Variants in NPR1 observed in about 807,000 individuals in gnomAD.
NPR1 encodes the protein atrial natriuretic peptide receptor 1.
In NPR1, 57 loss-of-function variants were observed where a neutral mutation model predicts 116.9. That is an observed-to-expected ratio of 0.49 (90% CI 0.39 to 0.61). The LOEUF is 0.61. Among genes scored for constraint, NPR1 ranks in the 20% least tolerant of loss-of-function variants. NPR1 has a pLI of 0.00. For synonymous variants in NPR1, 555 were observed against 601.6 expected, an observed-to-expected ratio of 0.92 and a Z score of 1.13; for missense variants, 1,096 against 1,409.8, an observed-to-expected ratio of 0.78 and a Z score of 3.56.
rs1352040065 is a variant in NPR1, at chr1:153,689,993, A to T, written c.2932+13A>T. 6.7e-6 allele frequency: 10 copies of T among 1,496,378 alleles called. No homozygotes were observed. The highest frequency in any genetic ancestry group is 3.5e-4 in the Middle Eastern group (2 of 5,782). 92.7% of individuals were successfully genotyped at this position (1,496,378 alleles called of 1,614,324 possible). On this transcript the variant is annotated intron_variant, in intron 19 of 21. Transcript: ENST00000368680. The surrounding 1 kb of genome is among the most constrained non-coding windows in gnomAD (Gnocchi z 5.1). ...GGCATCCACACAGGTAAGGCCACTG[A>T]AGGTGCAGGCGGGCATCCAGAGGCC...
chr1:153,687,171 C>A, intron 12 of NPR1, 29 bp from the exon 13 acceptor site: 1 of 1,613,974 alleles, frequency 6.2e-7, no homozygotes, highest in Non-Finnish European at 8.5e-7. Context: ...CCACTCCTGG[C>A]CAATACCTCT....
rs1669931633 is a variant in NPR1, at chr1:153,686,470, G to A, written c.1759-176G>A. 1.3e-5 allele frequency among the ~76,000 whole-genome samples: 2 copies of A among 151,966 alleles called. 1 individual carries two copies. The highest frequency in any genetic ancestry group is 1.3e-4 in the Admixed American group (2 of 15,264). On this transcript the variant is annotated intron_variant, in intron 10 of 21. Transcript: ENST00000368680. ...GGCTTAGGATGCAGAGGGAGTAGGA[G>A]CAGATTCTGGGGAGGGTGGGCTAAA...
rs1451859311 is a variant in NPR1, at chr1:153,679,836, C to A, written c.721+7C>A. The A allele has an allele frequency of 2.0e-6, 3 of 1,537,340 alleles. No homozygotes were observed. The highest frequency in any genetic ancestry group is 4.9e-5 in the East Asian group (2 of 40,894). ...ATGCCGCGCAAAGGCCGAGGTGAGA[C>A]GCTGGCACACCCCGTCCCGCCGCTT... is the stretch of plus-strand genomic sequence containing the variant. On this transcript the variant is annotated splice_region_variant and intron_variant, in intron 1 of 21. Transcript: ENST00000368680. This position sits in a 1 kb window ranked among gnomAD's most constrained non-coding sequence, Gnocchi z 4.2.
At chr1:153,693,301 T>C (rs1333922980) in intron 21 of NPR1, 51 bp from the exon 22 acceptor site, 1 of 1,606,742 alleles carries the variant, frequency 6.2e-7, no homozygotes, top group Non-Finnish European at 8.5e-7. Context: ...CTCATCTGAC[T>C]GGGGAAAGGG....
chr1:153,679,194 G>T lies in NPR1; in HGVS notation c.86G>T (p.Gly29Val). Residue 29 changes from glycine (G) to valine (V), a missense_variant, in exon 1 of 22, where the codon GGC (glycine) becomes GTC (valine). Physicochemically the swap from Gly to Val is moderately radical, Grantham distance 109. Transcript: ENST00000368680. This position sits in a 1 kb window ranked among gnomAD's most constrained non-coding sequence, Gnocchi z 4.2. ...CCGCCGCTGCTGCTGCTGCTCCGGG[G>T]CAGCCACGCGGGCAACCTGACGGTA... The part of the protein sequence containing the change: ...LLPPLLLLLR[G>V]SHAGNLTVAV... 1.3e-6 allele frequency: 2 copies of T among 1,513,016 alleles called. No homozygotes were observed. The highest frequency in any genetic ancestry group is 8.8e-7 in the Non-Finnish European group (1 of 1,135,874). 93.7% of individuals were successfully genotyped at this position (1,513,016 alleles called of 1,614,324 possible). A position where few individuals can be genotyped will look rare whatever the true frequency, so the allele number is the denominator to read the frequency against.
chr1:153,692,931 C>T (rs916348330), intron 20 of NPR1, among the ~76,000 whole-genome samples, 175 bp from the exon 21 acceptor site: 2 of 152,154 alleles, frequency 1.3e-5, no homozygotes, highest in African/African-American at 4.8e-5. Context: ...AATGTGGTCA[C>T]GCACTACATT....
Position 153,679,561 on chromosome 1 carries a change from G to C in NPR1, c.453G>C (p.Glu151Asp). ...APALGFGVKD[E>D]YALTTRAGPS... ...CGCTGGGCTTCGGTGTCAAGGACGA[G>C]TATGCGCTGACCACCCGCGCGGGGC... Residue 151 changes from glutamate to aspartate, a missense_variant, in exon 1 of 22, where the codon GAG (glutamate) becomes GAC (aspartate). Coordinates refer to ENST00000368680, the MANE Select transcript of NPR1 (RefSeq NM_000906.4). This position sits in a 1 kb window ranked among gnomAD's most constrained non-coding sequence, Gnocchi z 4.2. 2 of 1,554,610 alleles carry C rather than the reference G, an allele frequency of 1.3e-6. No individual in the cohort carries two copies. The highest frequency in any genetic ancestry group is 1.7e-6 in the Non-Finnish European group (2 of 1,154,802).
At chr1:153,683,214 C>A (rs1370017375) in intron 5 of NPR1, among the ~76,000 whole-genome samples, 162 bp from the exon 6 acceptor site, 2 of 151,948 alleles carry the variant, frequency 1.3e-5, no homozygotes, top group Non-Finnish European at 2.9e-5. Flanking sequence ...GGTATGAGGT[C>A]CTGTGTCCAG....
chr1:153,684,743 T>C (rs1429827402), intron 7 of NPR1, among the ~76,000 whole-genome samples: 1 of 152,170 alleles, frequency 6.6e-6, no homozygotes, highest in Non-Finnish European at 1.5e-5. Flanking sequence ...AAATAGATAT[T>C]GCGGCCTCAT....
In NPR1 at chr1:153,693,885, C is replaced by G. The variant is rs559279053; in HGVS notation, c.*471C>G. On this transcript the variant is annotated 3_prime_UTR_variant, in exon 22 of 22. Transcript: ENST00000368680. ...TGCTCCCCCGACCCCCTCCACCCAG[C>G]AGTAGACACAGTGCACAGGGGAGAA... The G allele has an allele frequency of 2.5e-6, 1 of 399,652 alleles. No homozygotes were observed. Among genetic ancestry groups the G allele is most frequent in the South Asian group, 1.4e-4 (1 of 7,366 alleles). 24.8% of individuals were successfully genotyped at this position (399,652 alleles called of 1,614,324 possible). A position where few individuals can be genotyped will look rare whatever the true frequency, so the allele number is the denominator to read the frequency against.
chr1:153,680,407 C>G, intron 1 of NPR1, 94 bp from the exon 2 acceptor site: 1 of 1,083,610 alleles, frequency 9.2e-7, no homozygotes, highest in Non-Finnish European at 1.4e-6. Context: ...TGCACCCTAT[C>G]TCTAAACTTC....
chr1:153,683,410 TG>T lies in NPR1; in HGVS notation c.1300del (p.Val434TrpfsTer8). ...AACTACAATGGGACTTCCCAAGAGCTGGTGGCTGTGTCGGGGCGCAAACTGA... is the reference window on the plus strand; with the variant it reads ...AACTACAATGGGACTTCCCAAGAGCTGTGGCTGTGTCGGGGCGCAAACTGA... ...VLNYNGTSQE[L>X]VAVSGRKLNW... is the part of the protein sequence containing the mutation. On this transcript the variant is annotated frameshift_variant, in exon 6 of 22. Coordinates refer to ENST00000368680, the MANE Select transcript of NPR1 (RefSeq NM_000906.4). LOFTEE classifies it high-confidence loss of function. The T allele has an allele frequency of 6.2e-7, 1 of 1,614,208 alleles. No homozygotes were observed. Among genetic ancestry groups the T allele is most frequent in the Non-Finnish European group, 8.5e-7 (1 of 1,180,034 alleles).
rs1394672501 is a variant in NPR1, at chr1:153,687,243, AC to A, written c.1981del (p.Leu661SerfsTer8). 1 of 1,613,908 alleles carries A rather than the reference AC, an allele frequency of 6.2e-7. No individual in the cohort carries two copies. The highest frequency in any genetic ancestry group is 1.1e-5 in the South Asian group (1 of 91,074). On this transcript the variant is annotated frameshift_variant, in exon 13 of 22. Coordinates refer to ENST00000368680, the MANE Select transcript of NPR1 (RefSeq NM_000906.4). LOFTEE classifies it high-confidence loss of function. ...AATGGGGCTATCTGTTCCCATGGGA[AC>A]CTCAAGTCATCCAACTGCGTGGTAG... The part of the protein sequence containing the change: ...LHNGAICSHG[N>X]LKSSNCVVDG...
At chr1:153,690,078 CT>C in intron 19 of NPR1, 98 bp downstream of exon 19, 1 of 521,946 alleles carries the variant, frequency 1.9e-6, no homozygotes, top group Non-Finnish European at 3.0e-6. Context: ...ATCTCTCTCT[CT>C]CTCTCTCTCT....
chr1:153,684,851 C>T, intron 7 of NPR1, 113 bp from the exon 8 acceptor site: 1 of 1,373,864 alleles, frequency 7.3e-7, no homozygotes, highest in Non-Finnish European at 1.0e-6. Flanking sequence ...TAGAATTCCC[C>T]CTCCATCTCT....
At chr1:153,682,328 G>A (rs768384360) in intron 4 of NPR1, among the ~76,000 whole-genome samples, 170 bp from the exon 5 acceptor site, 4 of 152,138 alleles carry the variant, frequency 2.6e-5, no homozygotes, top group Non-Finnish European at 4.4e-5. Flanking sequence ...CCAAAGTGCT[G>A]GGATTACAAG....
Position 153,678,977 on chromosome 1 carries a change from G to T in NPR1, c.-132G>T, listed in dbSNP as rs2101725860. ...AGCTACAGGGGGCCTCGAGCCCCGG[G>T]GTGAGCGTCCCCGTCCCGCTCCTGC... On this transcript the variant is annotated 5_prime_UTR_variant, in exon 1 of 22. Coordinates refer to ENST00000368680, the MANE Select transcript of NPR1 (RefSeq NM_000906.4). The surrounding 1 kb of genome is among the most constrained non-coding windows in gnomAD (Gnocchi z 5.8). 1.7e-6 allele frequency: 2 copies of T among 1,184,728 alleles called. No homozygotes were observed. Among genetic ancestry groups the T allele is most frequent in the Admixed American group, 4.0e-5 (1 of 24,732 alleles). The allele number at this position is 1,184,728 out of a possible 1,614,324, so 73.4% of individuals were successfully genotyped here.
rs751368650 is a variant in NPR1 at position 153,687,620 on chromosome 1, C to G, written c.2093-14C>G. ...GGCTCCCTCACTCGGTGACTACCGA[C>G]CTCTGACCCACAGAAAAGCTGTGGA... On this transcript the variant is annotated splice_polypyrimidine_tract_variant and intron_variant, in intron 13 of 21. Transcript: ENST00000368680. 6.4e-7 allele frequency: 1 copy of G among 1,571,030 alleles called. No individual in the cohort carries two copies. The highest frequency in any genetic ancestry group is 1.4e-5 in the African/African-American group (1 of 74,070).
chr1:153,693,604 A>C lies in NPR1; in HGVS notation c.*190A>C. The C allele has an allele frequency of 1.9e-6, 1 of 533,080 alleles. No homozygotes were observed. Among genetic ancestry groups the C allele is most frequent in the Non-Finnish European group, 3.3e-6 (1 of 307,578 alleles). The allele number at this position is 533,080 out of a possible 1,614,324, so 33.0% of individuals were successfully genotyped here. On this transcript the variant is annotated 3_prime_UTR_variant, in exon 22 of 22. Coordinates refer to ENST00000368680, the MANE Select transcript of NPR1 (RefSeq NM_000906.4). ...GAGGGGACTGGCATGGGGGGATCTCAGAGCTTACAGGCTGAGCCAAGCCCA... is the reference window on the plus strand; with the variant it reads ...GAGGGGACTGGCATGGGGGGATCTCCGAGCTTACAGGCTGAGCCAAGCCCA...
Sources: allele counts gnomAD v4.1 joint callset (sites outside exome capture counted in the v4.1 genomes callset), GRCh38; gene constraint gnomAD v4.1.1; non-coding constraint Gnocchi (gnomAD v3.1); transcripts MANE v1.5; gene names NCBI Gene and HGNC (gene_info 2026-07-23, HGNC 2026-07-21).